ZNRF3: variants seen among roughly 807,000 people sequenced by gnomAD.
The protein encoded by ZNRF3 is zinc and ring finger 3.
ZNRF3 carries 23 observed loss-of-function variants against 72.5 expected under a neutral mutation model. The ratio of observed to expected loss-of-function variants is 0.32; its 90% CI spans 0.23 to 0.45. The LOEUF is 0.45. ZNRF3 is among the 20% of genes least tolerant of loss of function. The probability of loss-of-function intolerance (pLI) is 1.00; values close to 1 mark genes in which losing one functional copy is unlikely to be tolerated. For synonymous variants in ZNRF3, 610 were observed against 545.3 expected (o/e 1.12, Z -1.65); for missense variants, 1,169 against 1,272.1 (o/e 0.92, Z 1.23).
At chr22:28,960,844 C>T (rs2035346017) in intron 1 of ZNRF3, among the ~76,000 whole-genome samples, 1 of 152,092 alleles carries the variant, frequency 6.6e-6, no homozygotes. Context: ...GTTTCCCAGC[C>T]GATCACTCTT....
At chr22:28,908,190 G>C (rs1019548194) in intron 1 of ZNRF3, among the ~76,000 whole-genome samples, 1 of 152,222 alleles carries the variant, frequency 6.6e-6, no homozygotes, top group Admixed American at 6.5e-5. Context: ...AAAGCAAAAT[G>C]ACAGAGAAAA....
chr22:28,986,178 A>G (rs1186308698), intron 1 of ZNRF3, among the ~76,000 whole-genome samples: 3 of 152,236 alleles, frequency 2.0e-5, no homozygotes, highest in Admixed American at 1.3e-4. Context: ...TCTGGAGATT[A>G]GGACATAGAT....
intron 1 of ZNRF3, among the ~76,000 whole-genome samples, chr22:28,962,284 C>G (rs1019180081): frequency 2.0e-5 from 3 of 152,206 alleles, no homozygotes; most frequent in African/African-American, 7.2e-5. Flanking sequence ...GCTGCTGTCT[C>G]AGCTAAGTGA....
In ZNRF3 at chr22:29,030,627, G is replaced by T. The variant is rs1601687714; in HGVS notation, c.427-11868G>T. Among the ~76,000 whole-genome samples, 4 of 152,170 alleles carry T rather than the reference G, an allele frequency of 2.6e-5. No homozygotes were observed. The highest frequency in any genetic ancestry group is 9.6e-5 in the African/African-American group (4 of 41,512). On this transcript the variant is annotated intron_variant, in intron 2 of 8. Transcript: ENST00000544604. The surrounding 1 kb of genome is among the most constrained non-coding windows in gnomAD (Gnocchi z 4.2). ...CCCGGTGGGGAGGGGCGCGGCCGGT[G>T]GCGAGGAGGGCACTTTCCCGGGTCG...
intron 1 of ZNRF3, among the ~76,000 whole-genome samples, chr22:28,969,318 C>T (rs1055385382): frequency 8.5e-5 from 13 of 152,232 alleles, no homozygotes; most frequent in East Asian, 7.7e-4. Flanking sequence ...TTTTTTCCCC[C>T]GTAGATATGT....
At chr22:28,974,703 T>C (rs1202921570) in intron 1 of ZNRF3, among the ~76,000 whole-genome samples, 2 of 152,226 alleles carry the variant, frequency 1.3e-5, no homozygotes, top group Non-Finnish European at 2.9e-5. Context: ...TGGCGCGCCA[T>C]GGCCAGATCC....
chr22:29,012,983 T>C (rs1444798251), intron 2 of ZNRF3, among the ~76,000 whole-genome samples: 1 of 152,204 alleles, frequency 6.6e-6, no homozygotes, highest in East Asian at 1.9e-4. Flanking sequence ...GTTCTGTCCT[T>C]TGAGTTACTT....
At chr22:28,911,019 T>C (rs2034306137) in intron 1 of ZNRF3, among the ~76,000 whole-genome samples, 1 of 152,180 alleles carries the variant, frequency 6.6e-6, no homozygotes, top group Non-Finnish European at 1.5e-5. Flanking sequence ...AGATCTGCTA[T>C]GCTCTCTGGT....
At chr22:28,887,229 AGAGAGAGTGTGTGT>A (rs1345429823) in intron 1 of ZNRF3, among the ~76,000 whole-genome samples, 11 of 139,182 alleles carry the variant, frequency 7.9e-5, no homozygotes, top group African/African-American at 1.9e-4. Context: ...GAAGAGAGAG[AGAGAGAGTGTGTGT>A]GTGTGTGTGT....
chr22:28,912,285 G>A (rs1292878393), intron 1 of ZNRF3, among the ~76,000 whole-genome samples: 1 of 152,208 alleles, frequency 6.6e-6, no homozygotes, highest in East Asian at 1.9e-4. Context: ...AATGGACTGG[G>A]CCAGTCCAGG....
At chr22:28,919,259 T>A (rs1299625788) in intron 1 of ZNRF3, among the ~76,000 whole-genome samples, 1 of 152,262 alleles carries the variant, frequency 6.6e-6, no homozygotes, top group Non-Finnish European at 1.5e-5. Context: ...CTTATTACAC[T>A]ACTTCCTATC....
At chr22:29,017,996 G>A (rs781317932) in intron 2 of ZNRF3, 1 of 519,084 alleles carries the variant, frequency 1.9e-6, no homozygotes, top group Non-Finnish European at 3.8e-6. Context: ...ACAGCTGGAA[G>A]ATGTGCGTAT....
At position 29,050,389 on chromosome 22, in the gene ZNRF3, G is replaced by A. The variant is rs773922103; in HGVS notation, c.2208G>A (p.Gly736=). The part of the protein sequence containing the change: ...GAAGSSTLFL[G]PHLYEGSGPA... The stretch of plus-strand genomic sequence containing the variant: ...CTGGCAGCAGCACCTTGTTCCTGGG[G>A]CCCCACCTCTACGAGGGCTCTGGCC... The change falls in exon 8 of 9, where the codon GGG becomes GGA. Residue 736 remains glycine, a synonymous_variant. Transcript: ENST00000544604. 5 of 1,604,656 alleles carry A rather than the reference G, an allele frequency of 3.1e-6. No homozygotes were observed. The East Asian group carries it at 1.1e-4, about 36-fold the overall frequency.
intron 2 of ZNRF3, among the ~76,000 whole-genome samples, chr22:29,017,707 G>T (rs1241483947): frequency 6.6e-6 from 1 of 152,142 alleles, no homozygotes; most frequent in African/African-American, 2.4e-5. Flanking sequence ...GTAAACTGGG[G>T]CTGTCCTGGG....
At position 29,048,807 on chromosome 22, in the gene ZNRF3, C is replaced by T. The variant is rs570581814; in HGVS notation, c.1015+316C>T. ...TAATGGTGTTTGCCCACACCCAGTA[C>T]CATGGGGGTGTTCCTAGGACCACGA... On this transcript the variant is annotated intron_variant, in intron 7 of 8. Transcript: ENST00000544604. The surrounding 1 kb of genome is among the most constrained non-coding windows in gnomAD (Gnocchi z 4.9). Among the ~76,000 whole-genome samples, 3 of 152,328 alleles carry T rather than the reference C, an allele frequency of 2.0e-5. No homozygotes were observed. The highest frequency in any genetic ancestry group is 7.2e-5 in the African/African-American group (3 of 41,568).
intron 1 of ZNRF3, among the ~76,000 whole-genome samples, chr22:28,899,416 C>G (rs1350504210): frequency 2.5e-4 from 38 of 152,250 alleles, no homozygotes; most frequent in Admixed American, 2.2e-3. Context: ...CAGGAGTGCC[C>G]TACAGACAAC....
chr22:28,974,805 T>G (rs2035641154), intron 1 of ZNRF3, among the ~76,000 whole-genome samples: 1 of 152,072 alleles, frequency 6.6e-6, no homozygotes, highest in African/African-American at 2.4e-5. Context: ...GCCACCTAAT[T>G]TTTTAATTTT....
At chr22:28,898,420 T>C (rs1042866184) in intron 1 of ZNRF3, among the ~76,000 whole-genome samples, 8 of 152,204 alleles carry the variant, frequency 5.3e-5, no homozygotes, top group African/African-American at 1.7e-4. Flanking sequence ...CAGTAGGAGG[T>C]GACACCCTCT....
At position 29,050,820 on chromosome 22, in the gene ZNRF3, T is replaced by G. The variant is rs935651448; in HGVS notation, c.2639T>G (p.Leu880Arg). ...LGATREEERA[L>R]CCQARALLRP... The stretch of plus-strand genomic sequence containing the variant: ...GCAACCCGGGAAGAGGAGCGGGCTC[T>G]GTGCTGCCAGGCTAGGGCCCTACTG... The change falls in exon 8 of 9, where the codon CTG becomes CGG. Residue 880 changes from leucine to arginine, a missense_variant. Leu to Arg is a moderately radical substitution (Grantham distance 102, BLOSUM62 -2). Transcript: ENST00000544604. 5.0e-6 allele frequency: 8 copies of G among 1,607,928 alleles called. No homozygotes were observed. Among genetic ancestry groups the G allele is most frequent in the Non-Finnish European group, 5.9e-6 (7 of 1,178,394 alleles).
Sources: gnomAD v4.1 joint callset for allele counts (sites outside exome capture counted in the v4.1 genomes callset) on GRCh38, gnomAD v4.1.1 for gene constraint, Gnocchi (gnomAD v3.1) non-coding constraint, MANE v1.5 for transcripts, NCBI Gene and HGNC (gene_info 2026-07-23, HGNC 2026-07-21) for gene names.